Variants in CDK13 observed in about 807,000 individuals in gnomAD.
The protein encoded by CDK13 is cyclin-dependent kinase 13.
CDK13 carries 40 observed loss-of-function variants against 137.6 expected under a neutral mutation model. The ratio of observed to expected loss-of-function variants is 0.29; its 90% CI spans 0.23 to 0.38. The LOEUF is 0.38. CDK13 is among the 10% of genes least tolerant of loss of function. CDK13 has a pLI of 1.00. For missense variants in CDK13, 1,704 were observed against 1,951.8 expected (o/e 0.87, Z 2.39); for synonymous variants, 869 against 760.1 (o/e 1.14, Z -2.36).
Position 39,951,178 on chromosome 7 carries a change from G to C in CDK13, c.537G>C (p.Gly179=). The C allele has an allele frequency of 8.0e-7, 1 of 1,243,684 alleles. No homozygotes were observed. 77.0% of individuals were successfully genotyped at this position (1,243,684 alleles called of 1,614,324 possible). Residue 179 remains glycine (G), a synonymous_variant, in exon 1 of 14, where the codon GGG becomes GGC. Coordinates refer to ENST00000181839, the MANE Select transcript of CDK13 (RefSeq NM_003718.5). ...TAAGGTGGSG[G]SPASSSGTQR... Reference sequence around the variant, plus strand: ...CCGGGGGAACGGGGGGCAGCGGCGGGAGTCCGGCCTCCTCCTCCGGCACCC... The same window carrying C: ...CCGGGGGAACGGGGGGCAGCGGCGGCAGTCCGGCCTCCTCCTCCGGCACCC...
intron 1 of CDK13, among the ~76,000 whole-genome samples, chr7:39,963,165 T>G (rs1456589319): frequency 6.6e-6 from 1 of 152,126 alleles, no homozygotes; most frequent in Non-Finnish European, 1.5e-5. Flanking sequence ...GTGAAGAAAG[T>G]CATTGGTAGC....
chr7:40,008,715 A>G (rs1562725888), intron 5 of CDK13, among the ~76,000 whole-genome samples: 1 of 152,128 alleles, frequency 6.6e-6, no homozygotes, highest in Non-Finnish European at 1.5e-5. Context: ...ATGAACTTGC[A>G]GGGTTTTTTT....
At position 40,094,046 on chromosome 7, in the gene CDK13, A is replaced by C. The variant is rs1786986634; in HGVS notation, c.3689-84A>C. The C allele has an allele frequency of 2.0e-6, 3 of 1,464,764 alleles. No individual in the cohort carries two copies. The East Asian group carries it at 6.9e-5, about 33-fold the overall frequency. The allele number at this position is 1,464,764 out of a possible 1,614,324, so 90.7% of individuals were successfully genotyped here. On this transcript the variant is annotated intron_variant, in intron 13 of 13. Transcript: ENST00000181839. ...GATGGAACTTCTAATCATCTTTAGA[A>C]CTACCTACAGGAAACACTGAGTATT...
rs374470130 is a variant in CDK13, at chr7:40,003,206, A to ACACACACACACT, written c.2353+1176_2353+1177insACACACACACTC. Among the ~76,000 whole-genome samples, 18 of 79,902 alleles carry ACACACACACACT rather than the reference A, an allele frequency of 2.3e-4. 1 individual carries two copies. The highest frequency in any genetic ancestry group is 1.7e-3 in the East Asian group (4 of 2,410). 52.4% of individuals were successfully genotyped at this position (79,902 alleles called of 152,430 possible). ...CACACACACACACACACACACACAC[A>ACACACACACACT]CTCTCTCTCTCTCTCTCTCTTACTC... On this transcript the variant is annotated intron_variant, in intron 5 of 13. Transcript: ENST00000181839.
chr7:40,065,624 G>A (rs990583574), intron 9 of CDK13, among the ~76,000 whole-genome samples: 2 of 152,122 alleles, frequency 1.3e-5, no homozygotes, highest in East Asian at 1.9e-4. Context: ...AGAGTGATAA[G>A]TATAAAAATC....
chr7:39,962,124 T>C (rs563411579), intron 1 of CDK13, among the ~76,000 whole-genome samples: 9 of 152,268 alleles, frequency 5.9e-5, no homozygotes, highest in Non-Finnish European at 1.3e-4. Flanking sequence ...TATAGCAGCA[T>C]GATTTATAAT....
chr7:40,015,944 G>A (rs1784994529), intron 5 of CDK13, among the ~76,000 whole-genome samples: 1 of 152,178 alleles, frequency 6.6e-6, no homozygotes, highest in South Asian at 2.1e-4. Flanking sequence ...TAAGGGAAAT[G>A]CAAAGAGCAG....
At chr7:40,015,093 G>T (rs962529885) in intron 5 of CDK13, among the ~76,000 whole-genome samples, 1 of 152,128 alleles carries the variant, frequency 6.6e-6, no homozygotes, top group African/African-American at 2.4e-5. Flanking sequence ...ATGTCTTAAA[G>T]GAAAAAAGCT....
chr7:40,060,597 A>G (rs1278771381), intron 7 of CDK13, among the ~76,000 whole-genome samples: 1 of 152,316 alleles, frequency 6.6e-6, no homozygotes, highest in South Asian at 2.1e-4. Context: ...AGGTTTTTTA[A>G]CTTTCTGGGA....
chr7:40,014,058 CTTTTT>C (rs927741062), intron 5 of CDK13, among the ~76,000 whole-genome samples: 3 of 60,936 alleles, frequency 4.9e-5, no homozygotes, highest in African/African-American at 7.5e-5. Context: ...GCTGTCTTGT[CTTTTT>C]TTTTTTTTTT....
intron 1 of CDK13, among the ~76,000 whole-genome samples, chr7:39,958,345 T>C (rs1787489246): frequency 6.6e-6 from 1 of 152,198 alleles, no homozygotes; most frequent in African/African-American, 2.4e-5. Flanking sequence ...ATTTTTTTTC[T>C]GTTACTGCTC....
At chr7:40,087,085 G>T (rs1049068925) in intron 11 of CDK13, among the ~76,000 whole-genome samples, 2 of 152,090 alleles carry the variant, frequency 1.3e-5, no homozygotes, top group African/African-American at 4.8e-5. Context: ...TTACAGGCAT[G>T]AGCTGCTGCG....
chr7:40,060,634 G>C (rs1786121026), intron 7 of CDK13, among the ~76,000 whole-genome samples: 1 of 152,126 alleles, frequency 6.6e-6, no homozygotes, highest in African/African-American at 2.4e-5. Flanking sequence ...GTTAAGACAG[G>C]TAAGTATGAT....
chr7:40,012,281 G>A (rs765346222), intron 5 of CDK13, among the ~76,000 whole-genome samples: 16 of 152,074 alleles, frequency 1.1e-4, no homozygotes, highest in Non-Finnish European at 2.1e-4. Flanking sequence ...TAGAATTCTA[G>A]AAATTCTACT....
In CDK13 at chr7:39,950,581, G is replaced by A. The variant is rs2116044323; in HGVS notation, c.-61G>A. The A allele has an allele frequency of 7.8e-7, 1 of 1,282,510 alleles. No homozygotes were observed. The highest frequency in any genetic ancestry group is 9.9e-7 in the Non-Finnish European group (1 of 1,015,204). 79.4% of individuals were successfully genotyped at this position (1,282,510 alleles called of 1,614,324 possible). On this transcript the variant is annotated 5_prime_UTR_variant, in exon 1 of 14. Coordinates refer to ENST00000181839, the MANE Select transcript of CDK13 (RefSeq NM_003718.5). ...GCTCCCGTTTCCGGCGGGGGAGATG[G>A]CCAGGATCTGACCCGGGAGGAGGCC... is the stretch of plus-strand genomic sequence containing the variant.
intron 11 of CDK13, among the ~76,000 whole-genome samples, chr7:40,083,657 A>G (rs74786782): frequency 0.11 from 16,839 of 152,222 alleles, 1,075 homozygotes; most frequent in Middle Eastern, 0.16. Context: ...TTGTAAAGCA[A>G]ATCACCTAAA....
chr7:39,950,993 C>T lies in CDK13; in HGVS notation c.352C>T (p.Arg118Cys), dbSNP rs2116052200. The T allele has an allele frequency of 6.9e-6, 9 of 1,309,794 alleles. No homozygotes were observed. Among genetic ancestry groups the T allele is most frequent in the Non-Finnish European group, 8.7e-6 (9 of 1,033,518 alleles). The allele number at this position is 1,309,794 out of a possible 1,614,324, so 81.1% of individuals were successfully genotyped here. A position where few individuals can be genotyped will look rare whatever the true frequency, so the allele number is the denominator to read the frequency against. The change falls in exon 1 of 14, where the codon CGT becomes TGT. Residue 118 changes from arginine to cysteine, a missense_variant. Physicochemically the swap from Arg to Cys is radical, Grantham distance 180. Coordinates refer to ENST00000181839, the MANE Select transcript of CDK13 (RefSeq NM_003718.5). ...CCGCGCCGGGCAGGAGGCGGAGAAG[C>T]GTCGGGTCTTCTCGCTGCCCCAGCC... ...GPRAGQEAEKRRVFSLPQPQQ... is the reference protein window; with the variant it reads ...GPRAGQEAEKCRVFSLPQPQQ...
At chr7:40,079,149 G>A (rs1457257184) in intron 11 of CDK13, among the ~76,000 whole-genome samples, 5 of 151,152 alleles carry the variant, frequency 3.3e-5, no homozygotes, top group East Asian at 1.9e-4. Context: ...TGCCGGGCGC[G>A]GTGGCTCACG....
At chr7:39,971,945 T>C (rs948317865) in intron 1 of CDK13, among the ~76,000 whole-genome samples, 2 of 152,166 alleles carry the variant, frequency 1.3e-5, no homozygotes, top group African/African-American at 4.8e-5. Context: ...AAAATTCTGT[T>C]GATATTAATA....
Sources: gnomAD v4.1 joint callset for allele counts (sites outside exome capture counted in the v4.1 genomes callset) on GRCh38, gnomAD v4.1.1 for gene constraint, MANE v1.5 for transcripts, NCBI Gene and HGNC (gene_info 2026-07-23, HGNC 2026-07-21) for gene names.